Variants in TMC6 observed in about 807,000 individuals in gnomAD.
The protein encoded by TMC6 is transmembrane channel-like protein 6.
Under a neutral mutation model 95.4 loss-of-function variants are expected in TMC6, and 71 were observed. The ratio of observed to expected loss-of-function variants is 0.74; its 90% CI spans 0.61 to 0.91. The LOEUF (loss-of-function observed/expected upper bound fraction) is 0.91. Ranked by LOEUF, TMC6 falls within the 40% of genes least tolerant of loss-of-function variation. The pLI is 0.00. For missense variants in TMC6, 1,074 were observed against 1,079.1 expected, an observed-to-expected ratio of 1.00 and a Z score of 0.07; for synonymous variants, 514 against 483.1, an observed-to-expected ratio of 1.06 and a Z score of -0.84.
At chr17:78,127,935 G>A (rs534595531) in intron 1 of TMC6, among the ~76,000 whole-genome samples, 4 of 152,294 alleles carry the variant, frequency 2.6e-5, no homozygotes, top group Non-Finnish European at 4.4e-5. Flanking sequence ...AGCTGGGTCC[G>A]AGGCGGCCCC....
chr17:78,131,947 CG>C, upstream of TMC6: 1 of 1,511,556 alleles, frequency 6.6e-7, no homozygotes, highest in South Asian at 1.2e-5. Context: ...CGGCGGCAGA[CG>C]GTGGAAAGGC....
chr17:78,113,210 C>T lies in TMC6; in HGVS notation c.2356G>A (p.Val786Ile). 1 of 1,554,390 alleles carries T rather than the reference C, an allele frequency of 6.4e-7. No individual in the cohort carries two copies. Among genetic ancestry groups the T allele is most frequent in the Non-Finnish European group, 8.7e-7 (1 of 1,147,988 alleles). ...ERKEREERSR[V>I]GTTEEAAAPP... Reference sequence around the variant, plus strand: ...GCCGCAGCCTCCTCGGTTGTCCCAACCCTGCCAGAAAGAGACATCACTGAG... The same window carrying T: ...GCCGCAGCCTCCTCGGTTGTCCCAATCCTGCCAGAAAGAGACATCACTGAG... The change falls in exon 20 of 20, where the codon GTT (valine) becomes ATT (isoleucine). Residue 786 changes from valine to isoleucine, a missense_variant and splice_region_variant. Transcript: ENST00000590602.
chr17:78,120,758 T>C lies in TMC6; in HGVS notation c.1610A>G (p.Gln537Arg). The change falls in exon 13 of 20, where the codon CAG (glutamine) becomes CGG (arginine). Residue 537 changes from glutamine (Q) to arginine (R), a missense_variant. By Grantham distance (43) the Gln-to-Arg change is conservative. Transcript: ENST00000590602. ...CACAAAATCCTCCCAGCACTGGCCC[T>C]GCAGGACGCCCACCCTGCGGCCCAG... ...HWLGRRVGVL[Q>R]GQCWEDFVGQ... is the part of the protein sequence containing the mutation. 6.2e-7 allele frequency: 1 copy of C among 1,613,474 alleles called. No individual in the cohort carries two copies. The highest frequency in any genetic ancestry group is 2.2e-5 in the East Asian group (1 of 44,874).
In TMC6 at chr17:78,110,379, T is replaced by C. The variant is rs2073801843; in HGVS notation, c.*2769A>G. The C allele has an allele frequency of 6.6e-6, 1 of 151,260 alleles. No homozygotes were observed. The highest frequency in any genetic ancestry group is 1.5e-5 in the Non-Finnish European group (1 of 67,814). The allele number at this position is 151,260 out of a possible 1,614,324, so 9.4% of individuals were successfully genotyped here. ...CGAAGATCAGCCAGGCCTGGTTGTA[T>C]GCACCTGTAATCCCAGCTACTTGGG... On this transcript the variant is annotated 3_prime_UTR_variant, in exon 20 of 20. Transcript: ENST00000590602.
chr17:78,115,315 C>T (rs908869956), intron 18 of TMC6, among the ~76,000 whole-genome samples: 2 of 152,232 alleles, frequency 1.3e-5, no homozygotes, highest in Non-Finnish European at 2.9e-5. Flanking sequence ...CCGCTGATCC[C>T]CACAAGCGCC....
chr17:78,126,183 C>G (rs1395339267), intron 4 of TMC6, 94 bp downstream of exon 4: 1 of 1,491,628 alleles, frequency 6.7e-7, no homozygotes, highest in Non-Finnish European at 9.0e-7. Context: ...CAGCCACTAC[C>G]CAGGGAGATG....
rs2074465062 is a variant in TMC6 at position 78,122,509 on chromosome 17, T to G, written c.1227+96A>C. The G allele has an allele frequency of 5.1e-6, 8 of 1,557,340 alleles. No homozygotes were observed. On this transcript the variant is annotated intron_variant, in intron 10 of 19. Transcript: ENST00000590602. The surrounding 1 kb of genome is among the most constrained non-coding windows in gnomAD (Gnocchi z 4.9). ...CAGCTCACGGACAGCTGGCCCTCCC[T>G]CTAGACCATGGTTCTGGTCACATGG...
chr17:78,125,937 C>A (rs1462816369), intron 4 of TMC6, 53 bp from the exon 5 acceptor site: 18 of 1,548,480 alleles, frequency 1.2e-5, no homozygotes, highest in Non-Finnish European at 1.4e-5. Context: ...CCTCCCTCCC[C>A]TCAGGATGGG....
intron 14 of TMC6, 98 bp from the exon 15 acceptor site, chr17:78,119,144 A>G (rs2074281682): frequency 6.7e-7 from 1 of 1,492,390 alleles, no homozygotes; most frequent in African/African-American, 1.4e-5. Context: ...GACAGTGGCC[A>G]AAACTGAGTC....
chr17:78,115,685 A>ACAGT (rs2074057909), intron 18 of TMC6, among the ~76,000 whole-genome samples: 1 of 84,040 alleles, frequency 1.2e-5, no homozygotes, highest in African/African-American at 5.3e-5. Flanking sequence ...CACAGGGGCG[A>ACAGT]AGGGAGTGGG....
chr17:78,130,456 G>A (rs2074933372), upstream of TMC6, among the ~76,000 whole-genome samples: 1 of 152,212 alleles, frequency 6.6e-6, no homozygotes, highest in Non-Finnish European at 1.5e-5. Context: ...GAACAGAGAG[G>A]GCCTCAGCTG....
chr17:78,109,345 G>A lies in TMC6; in HGVS notation c.*3803C>T, dbSNP rs558882964. On this transcript the variant is annotated 3_prime_UTR_variant, in exon 20 of 20. Transcript: ENST00000590602. ...TCCTCTGCAGGAGTGCGGTGTCTAC[G>A]GATGGACCAAGAAAACCTACGCAGG... 7.1e-6 allele frequency: 3 copies of A among 424,056 alleles called. No homozygotes were observed. Among genetic ancestry groups the A allele is most frequent in the East Asian group, 7.1e-5 (1 of 14,026 alleles). The allele number at this position is 424,056 out of a possible 1,614,324, so 26.3% of individuals were successfully genotyped here.
chr17:78,113,363 C>T (rs2073889127), intron 19 of TMC6, 152 bp from the exon 20 acceptor site: 2 of 1,230,126 alleles, frequency 1.6e-6, no homozygotes, highest in Admixed American at 4.3e-5. Context: ...AATGGCCAGG[C>T]TCCGGAGGCC....
Position 78,124,807 on chromosome 17 carries a change from G to A in TMC6, c.634-26C>T, listed in dbSNP as rs766146911. 19 of 1,578,970 alleles carry A rather than the reference G, an allele frequency of 1.2e-5. 1 individual carries two copies. In the Middle Eastern group the frequency reaches 5.3e-4, roughly 44 times the overall value. The stretch of plus-strand genomic sequence containing the variant: ...CTGCGGGCACAGGCAGAGAGGCCCT[G>A]AGGGTGAGGCCGGAGGAGGCACTGA... On this transcript the variant is annotated intron_variant, in intron 7 of 19. Coordinates refer to ENST00000590602, the MANE Select transcript of TMC6 (RefSeq NM_001127198.5).
chr17:78,125,053 G>A (rs956825819), intron 6 of TMC6, 68 bp from the exon 7 acceptor site: 93 of 1,540,528 alleles, frequency 6.0e-5, no homozygotes, highest in African/African-American at 2.9e-4. Flanking sequence ...CCTGGAGACC[G>A]GCCACCCACG....
intron 16 of TMC6, 61 bp from the exon 17 acceptor site, chr17:78,117,705 A>T: frequency 6.4e-7 from 1 of 1,556,498 alleles, no homozygotes; most frequent in South Asian, 1.2e-5. Context: ...GCTCCCTCCC[A>T]GCCCGTCCTC....
At position 78,109,127 on chromosome 17, in the gene TMC6, T is replaced by C. The variant is rs116605560; in HGVS notation, c.*4021A>G. 3,497 of 268,360 alleles carry C rather than the reference T, an allele frequency of 0.013. 121 individuals carry two copies. Among genetic ancestry groups the C allele is most frequent in the African/African-American group, 0.071 (3,209 of 45,090 alleles). 16.6% of individuals were successfully genotyped at this position (268,360 alleles called of 1,614,324 possible). On this transcript the variant is annotated 3_prime_UTR_variant, in exon 20 of 20. Coordinates refer to ENST00000590602, the MANE Select transcript of TMC6 (RefSeq NM_001127198.5). ...TGCCCAGCCTTTGTTGTTGTTGTTG[T>C]TGCTGCTATTTTGGCAACATCACGG...
At position 78,124,102 on chromosome 17, in the gene TMC6, CA is replaced by C; in HGVS notation, c.968del (p.Leu323ArgfsTer27). 3 of 1,613,276 alleles carry C rather than the reference CA, an allele frequency of 1.9e-6. No individual in the cohort carries two copies. In the South Asian group the frequency reaches 3.3e-5, roughly 18 times the overall value. Reference protein sequence around the residue: ...ATLNQPCGSPLDGSQCTPRVG... With the variant: ...ATLNQPCGSPXDGSQCTPRVG... ...CCCTGGGTGTGCACTGGCTGCCATCCAGGGGGCTGCCACACGGCTGGTTCAG... is the reference window on the plus strand; with the variant it reads ...CCCTGGGTGTGCACTGGCTGCCATCCGGGGGCTGCCACACGGCTGGTTCAG... On this transcript the variant is annotated frameshift_variant, in exon 9 of 20. Transcript: ENST00000590602. LOFTEE classifies it high-confidence loss of function.
chr17:78,115,548 G>C (rs139325170), intron 18 of TMC6, among the ~76,000 whole-genome samples: 12 of 152,158 alleles, frequency 7.9e-5, no homozygotes, highest in Admixed American at 1.3e-4. Context: ...TGGGTAGCCC[G>C]GGGGGAAAGT....
Sources: allele counts gnomAD v4.1 joint callset (sites outside exome capture counted in the v4.1 genomes callset), GRCh38; gene constraint gnomAD v4.1.1; non-coding constraint Gnocchi (gnomAD v3.1); transcripts MANE v1.5; gene names NCBI Gene and HGNC (gene_info 2026-07-23, HGNC 2026-07-21).